The following MYO16 variants were observed in gnomAD, a reference collection of about 807,000 sequenced individuals.
MYO16 encodes myosin XVI, also known as unconventional myosin-XVI.
In MYO16, 94 loss-of-function variants were observed where a neutral mutation model predicts 205.3. The observed-to-expected ratio is 0.46, with a 90% CI of 0.39 to 0.54. The LOEUF (loss-of-function observed/expected upper bound fraction) is 0.54, where lower values mean the gene tolerates loss of function less well. Among genes scored for constraint, MYO16 ranks in the 20% least tolerant of loss-of-function variants. MYO16 has a pLI of 0.00. For missense variants in MYO16, 2,315 were observed against 2,387.5 expected, an observed-to-expected ratio of 0.97 and a Z score of 0.63; for synonymous variants, 988 against 954.0, an observed-to-expected ratio of 1.04 and a Z score of -0.66.
intron 22 of MYO16, among the ~76,000 whole-genome samples, chr13:109,019,432 A>G (rs185474878): frequency 6.6e-6 from 1 of 152,320 alleles, no homozygotes; most frequent in African/African-American, 2.4e-5. Context: ...ATTAAGATGA[A>G]AATGTACTTT....
At chr13:109,116,037 A>G (rs1291751915) in intron 28 of MYO16, among the ~76,000 whole-genome samples, 1 of 152,236 alleles carries the variant, frequency 6.6e-6, no homozygotes, top group Non-Finnish European at 1.5e-5. Flanking sequence ...AGTATCTCCA[A>G]ATATTGCCAA....
intron 1 of MYO16, among the ~76,000 whole-genome samples, chr13:108,635,381 A>AT (rs1880176570): frequency 6.6e-6 from 1 of 152,144 alleles, no homozygotes. Flanking sequence ...AAATTTCTTC[A>AT]TATGTGTTTT....
At position 109,205,089 on chromosome 13, in the gene MYO16, G is replaced by T. The variant is rs574058338; in HGVS notation, c.5416-1520G>T. On this transcript the variant is annotated intron_variant, in intron 34 of 34. Coordinates refer to ENST00000457511, the MANE Select transcript of MYO16 (RefSeq NM_001198950.3). The stretch of plus-strand genomic sequence containing the variant: ...CCTTTTAAGAGGCCCACTCTGCTCT[G>T]CAGCTCACTCTCTGTTATGTCTAGA... 3.3e-5 allele frequency among the ~76,000 whole-genome samples: 5 copies of T among 152,250 alleles called. No individual in the cohort carries two copies. In the South Asian group the frequency reaches 1.0e-3, roughly 32 times the overall value.
the MYO16 span, among the ~76,000 whole-genome samples, chr13:108,537,870 T>C: frequency 6.6e-6 from 1 of 152,230 alleles, no homozygotes; most frequent in South Asian, 2.1e-4. Context: ...TTATTTATTT[T>C]TCTTGTTGAG....
At chr13:109,123,166 A>AT (rs1876073454) in intron 29 of MYO16, among the ~76,000 whole-genome samples, 1 of 152,186 alleles carries the variant, frequency 6.6e-6, no homozygotes, top group South Asian at 2.1e-4. Context: ...TGGCAATTTT[A>AT]TTTTTACCAG....
chr13:108,652,442 G>A (rs1293587474), intron 1 of MYO16, among the ~76,000 whole-genome samples: 2 of 152,106 alleles, frequency 1.3e-5, no homozygotes, highest in African/African-American at 4.8e-5. Context: ...ATGTACCATT[G>A]CAACCATTTT....
intron 1 of MYO16, among the ~76,000 whole-genome samples, chr13:108,651,718 GAGA>G (rs554713899): frequency 1.7e-3 from 266 of 152,298 alleles, no homozygotes; most frequent in African/African-American, 5.7e-3. Flanking sequence ...TGACTTTCTT[GAGA>G]AGAATTTAAA....
At chr13:108,879,022 G>C (rs1211470332) in intron 12 of MYO16, among the ~76,000 whole-genome samples, 1 of 152,220 alleles carries the variant, frequency 6.6e-6, no homozygotes, top group Non-Finnish European at 1.5e-5. Flanking sequence ...TTTGGTTGAG[G>C]TGTAATGTTT....
intron 32 of MYO16, among the ~76,000 whole-genome samples, chr13:109,147,648 A>G (rs1877408745): frequency 6.6e-6 from 1 of 151,828 alleles, no homozygotes; most frequent in African/African-American, 2.4e-5. Context: ...CCCCTTGATG[A>G]TTTCTCCCCA....
At chr13:108,605,225 T>G (rs191900379) in intron 1 of MYO16, among the ~76,000 whole-genome samples, 1 of 152,342 alleles carries the variant, frequency 6.6e-6, no homozygotes, top group East Asian at 1.9e-4. Flanking sequence ...AAGCTAAATA[T>G]AGCCATGAGT....
chr13:108,574,230 A>G, the MYO16 span, among the ~76,000 whole-genome samples: 1 of 152,188 alleles, frequency 6.6e-6, no homozygotes. Context: ...GACGTCCTTC[A>G]TGACTTATGT....
intron 7 of MYO16, among the ~76,000 whole-genome samples, chr13:108,813,415 C>A (rs1887354700): frequency 6.6e-6 from 1 of 152,180 alleles, no homozygotes; most frequent in East Asian, 1.9e-4. Context: ...GAGACTTTAA[C>A]ATTATATTTT....
At chr13:108,671,228 C>T (rs540194480) in intron 2 of MYO16, among the ~76,000 whole-genome samples, 12 of 152,208 alleles carry the variant, frequency 7.9e-5, no homozygotes, top group African/African-American at 1.7e-4. Context: ...TGTTAAGGTG[C>T]TCAAAGTGAT....
the MYO16 span, among the ~76,000 whole-genome samples, chr13:108,563,972 G>A: frequency 6.6e-6 from 1 of 151,988 alleles, no homozygotes. Flanking sequence ...AGTGTACTAG[G>A]GTTCTCTTTT....
intron 34 of MYO16, among the ~76,000 whole-genome samples, chr13:109,205,300 TTTAAAATCCTCTTTCTG>T (rs1290422672): frequency 2.0e-5 from 3 of 152,190 alleles, no homozygotes; most frequent in African/African-American, 7.2e-5. Context: ...GATCCCAGCC[TTTAAAATCCTCTTTCTG>T]GGGGAAACAG....
chr13:109,008,831 C>G, intron 21 of MYO16, 66 bp from the exon 22 acceptor site: 1 of 1,164,224 alleles, frequency 8.6e-7, no homozygotes, highest in Non-Finnish European at 1.2e-6. Flanking sequence ...CACTACTGTA[C>G]TATCTATCTT....
At chr13:108,516,627 A>G in the MYO16 span, among the ~76,000 whole-genome samples, 1 of 152,364 alleles carries the variant, frequency 6.6e-6, no homozygotes, top group South Asian at 2.1e-4. Context: ...GTATCAAGAA[A>G]TAGACTATTA....
At chr13:108,649,938 G>A (rs935270130) in intron 1 of MYO16, among the ~76,000 whole-genome samples, 5 of 152,146 alleles carry the variant, frequency 3.3e-5, no homozygotes, top group African/African-American at 1.2e-4. Context: ...TAAAATATAT[G>A]TAAAACCTAA....
rs960431497 is a variant in MYO16, at chr13:108,973,943, TA to T, written c.2369+9052del. Among the ~76,000 whole-genome samples, 486 of 146,172 alleles carry T rather than the reference TA, an allele frequency of 3.3e-3. 3 individuals carry two copies. The highest frequency in any genetic ancestry group is 0.011 in the African/African-American group (447 of 40,172). Reference sequence around the variant, plus strand: ...GCTTTGAAGAATTCTGCTGGCTGGTTAAAAAAAAAAACTCCCAGTGGCATTT... The same window carrying T: ...GCTTTGAAGAATTCTGCTGGCTGGTTAAAAAAAAAACTCCCAGTGGCATTT... On this transcript the variant is annotated intron_variant, in intron 20 of 34. Coordinates refer to ENST00000457511, the MANE Select transcript of MYO16 (RefSeq NM_001198950.3).
Sources: allele counts gnomAD v4.1 joint callset (sites outside exome capture counted in the v4.1 genomes callset), GRCh38; gene constraint gnomAD v4.1.1; transcripts MANE v1.5; gene names NCBI Gene and HGNC (gene_info 2026-07-23, HGNC 2026-07-21).